Variants in HIRA observed in about 807,000 individuals in gnomAD.
HIRA encodes protein HIRA.
A neutral mutation model predicts 126.6 loss-of-function variants in HIRA; 13 were observed. That is an observed-to-expected ratio of 0.10 (90% CI 0.07 to 0.16). The LOEUF is 0.16. Ranked by LOEUF, HIRA falls within the 10% of genes least tolerant of loss-of-function variation. The pLI is 1.00. For synonymous variants in HIRA, 511 were observed against 520.0 expected (o/e 0.98, Z 0.24); for missense variants, 834 against 1,314.4 (o/e 0.63, Z 5.65).
chr22:19,389,889 C>A (rs1040879744), intron 9 of HIRA, among the ~76,000 whole-genome samples: 1 of 150,016 alleles, frequency 6.7e-6, no homozygotes, highest in African/African-American at 2.5e-5. Flanking sequence ...ACAACGCACA[C>A]AGTAATATAT....
intron 24 of HIRA, among the ~76,000 whole-genome samples, chr22:19,333,110 G>A (rs1556004999): frequency 1.3e-5 from 2 of 152,210 alleles, no homozygotes; most frequent in Non-Finnish European, 1.5e-5. Context: ...GTTTCACCTT[G>A]TTGGCCAGGC....
intron 8 of HIRA, 98 bp from the exon 9 acceptor site, chr22:19,392,312 A>C: frequency 1.5e-6 from 1 of 660,848 alleles, no homozygotes; most frequent in East Asian, 2.8e-5. Flanking sequence ...TCCCACAGAC[A>C]TTCTCTGAGC....
chr22:19,361,296 C>T lies in HIRA; in HGVS notation c.2026G>A (p.Ala676Thr). ...GGCAGCTTCAGTGCAAGTGCTGGTG[C>T]AGACAGACACATGGCCTCCTTCTCT... Reference protein sequence around the residue: ...TAEKEAMCLSAPALALKLPIP... With the variant: ...TAEKEAMCLSTPALALKLPIP... Residue 676 changes from alanine to threonine, a missense_variant, in exon 17 of 25, where the codon GCA (alanine) becomes ACA (threonine). Physicochemically the swap from Ala to Thr is moderately conservative, Grantham distance 58. This residue lies in a region of HIRA where 468 missense variants were observed against 574.2 expected (regional missense o/e 0.82). Coordinates refer to ENST00000263208, the MANE Select transcript of HIRA (RefSeq NM_003325.4). 2 of 1,614,198 alleles carry T rather than the reference C, an allele frequency of 1.2e-6. No individual in the cohort carries two copies. Among genetic ancestry groups the T allele is most frequent in the East Asian group, 2.2e-5 (1 of 44,882 alleles).
chr22:19,394,438 G>A lies in HIRA; in HGVS notation c.726C>T (p.Ala242=), dbSNP rs2089206794. ...PDGHYLVSAH[A]MNNSGPTAQI... ...GGGCAGTGGGGCCTGAGTTGTTCATGGCATGGGCAGACACCAGGTAATGCC... is the reference window on the plus strand; with the variant it reads ...GGGCAGTGGGGCCTGAGTTGTTCATAGCATGGGCAGACACCAGGTAATGCC... The change falls in exon 8 of 25, where the codon GCC becomes GCT. Residue 242 remains alanine (A), a synonymous_variant. Coordinates refer to ENST00000263208, the MANE Select transcript of HIRA (RefSeq NM_003325.4). The A allele has an allele frequency of 6.2e-7, 1 of 1,614,030 alleles. No individual in the cohort carries two copies. Among genetic ancestry groups the A allele is most frequent in the African/African-American group, 1.3e-5 (1 of 74,902 alleles).
rs1183668126 is a variant in HIRA, at chr22:19,384,354, A to T, written c.1330-649T>A. ...AAAAAAAAAAAAAAAGAGAGATATC[A>T]TGCGGTATTTGTCCTTCTGTGTCTG... On this transcript the variant is annotated intron_variant, in intron 12 of 24. Coordinates refer to ENST00000263208, the MANE Select transcript of HIRA (RefSeq NM_003325.4). Among the ~76,000 whole-genome samples, 3 of 150,644 alleles carry T rather than the reference A, an allele frequency of 2.0e-5. 1 individual carries two copies. Among genetic ancestry groups the T allele is most frequent in the Non-Finnish European group, 3.0e-5 (2 of 67,760 alleles).
Position 19,385,713 on chromosome 22 carries a change from A to G in HIRA, c.1137T>C (p.Tyr379=), listed in dbSNP as rs1042077947. ...CGGTCATGATGGCTAGGCTCTTGCCATAGGTGGACTGGTGAATGCGGCTCT... is the reference window on the plus strand; with the variant it reads ...CGGTCATGATGGCTAGGCTCTTGCCGTAGGTGGACTGGTGAATGCGGCTCT... ...EEKSRIHQST[Y]GKSLAIMTEA... Residue 379 remains tyrosine, a synonymous_variant, in exon 12 of 25, where the codon TAT becomes TAC. Transcript: ENST00000263208. 4 of 1,613,730 alleles carry G rather than the reference A, an allele frequency of 2.5e-6. No homozygotes were observed. Among genetic ancestry groups the G allele is most frequent in the South Asian group, 1.1e-5 (1 of 91,032 alleles).
chr22:19,362,617 A>G (rs1035555142), intron 15 of HIRA, among the ~76,000 whole-genome samples: 14 of 151,940 alleles, frequency 9.2e-5, no homozygotes, highest in African/African-American at 3.4e-4. Context: ...CTGGAATGCA[A>G]TGGTGTGATC....
chr22:19,336,557 T>C (rs1047852393), intron 24 of HIRA, among the ~76,000 whole-genome samples: 1 of 152,238 alleles, frequency 6.6e-6, no homozygotes, highest in Non-Finnish European at 1.5e-5. Context: ...ACATGATGAC[T>C]TCACTGGTAG....
intron 8 of HIRA, 115 bp downstream of exon 8, chr22:19,394,227 C>A (rs1009524344): frequency 1.0e-5 from 13 of 1,263,292 alleles, no homozygotes; most frequent in Admixed American, 4.6e-5. Flanking sequence ...CAAGTACATA[C>A]TCTATTTTGT....
chr22:19,409,186 C>A (rs1269213315), intron 2 of HIRA, among the ~76,000 whole-genome samples: 2 of 152,080 alleles, frequency 1.3e-5, no homozygotes, highest in Non-Finnish European at 2.9e-5. Flanking sequence ...TACCTACAGA[C>A]GAGAGACCAC....
At chr22:19,377,174 A>G (rs1487200407) in intron 14 of HIRA, among the ~76,000 whole-genome samples, 1 of 152,154 alleles carries the variant, frequency 6.6e-6, no homozygotes, top group Non-Finnish European at 1.5e-5. Flanking sequence ...TTGGATGGCT[A>G]GCCATTTCTA....
intron 24 of HIRA, among the ~76,000 whole-genome samples, chr22:19,350,379 T>G (rs2146186493): frequency 6.6e-6 from 1 of 152,304 alleles, no homozygotes; most frequent in African/African-American, 2.4e-5. Context: ...GAGCTAACTC[T>G]TAGATCCATA....
Position 19,354,058 on chromosome 22 carries a change from C to T in HIRA, c.2622G>A (p.Leu874=). The change falls in exon 22 of 25, where the codon CTG becomes CTA. Residue 874 remains leucine (L), a synonymous_variant. Coordinates refer to ENST00000263208, the MANE Select transcript of HIRA (RefSeq NM_003325.4). The part of the protein sequence containing the change: ...LAQCADFRSS[L]PSQDAMLCSG... ...AGCACAGCATGGCGTCCTGGGATGGCAGGCTGCTCCTAAAGTCTGCACACT... is the reference window on the plus strand; with the variant it reads ...AGCACAGCATGGCGTCCTGGGATGGTAGGCTGCTCCTAAAGTCTGCACACT... 1 of 1,613,248 alleles carries T rather than the reference C, an allele frequency of 6.2e-7. No individual in the cohort carries two copies. Among genetic ancestry groups the T allele is most frequent in the Non-Finnish European group, 8.5e-7 (1 of 1,179,680 alleles).
intron 2 of HIRA, among the ~76,000 whole-genome samples, chr22:19,408,991 T>C (rs1203167083): frequency 6.6e-6 from 1 of 152,146 alleles, no homozygotes; most frequent in Non-Finnish European, 1.5e-5. Context: ...GTCAATGTCA[T>C]AAGACCTTTT....
intron 1 of HIRA, among the ~76,000 whole-genome samples, chr22:19,416,034 G>C (rs9618562): frequency 0.083 from 12,663 of 152,208 alleles, 1,765 homozygotes; most frequent in African/African-American, 0.29. Flanking sequence ...TACAGGCATA[G>C]ACAGACACCT....
chr22:19,373,083 G>T (rs968084806), intron 15 of HIRA, among the ~76,000 whole-genome samples: 3 of 152,172 alleles, frequency 2.0e-5, no homozygotes, highest in African/African-American at 7.2e-5. Context: ...TCATATCTAA[G>T]AAACAGTTGC....
At chr22:19,384,089 G>A (rs968562971) in intron 12 of HIRA, among the ~76,000 whole-genome samples, 2 of 152,028 alleles carry the variant, frequency 1.3e-5, no homozygotes, top group Non-Finnish European at 2.9e-5. Context: ...GGAGGCCGAG[G>A]TGGACAGATC....
At chr22:19,376,383 C>T (rs1420227450) in intron 14 of HIRA, among the ~76,000 whole-genome samples, 2 of 152,180 alleles carry the variant, frequency 1.3e-5, no homozygotes, top group African/African-American at 4.8e-5. Flanking sequence ...CTGGTCCATC[C>T]TTCATGTCCA....
chr22:19,391,617 A>C (rs1301496434), intron 9 of HIRA, among the ~76,000 whole-genome samples: 1 of 151,266 alleles, frequency 6.6e-6, no homozygotes, highest in Non-Finnish European at 1.5e-5. Context: ...AGTAGCTGGG[A>C]CTACAGGCGC....
Sources: allele counts gnomAD v4.1 joint callset (sites outside exome capture counted in the v4.1 genomes callset), GRCh38; gene constraint gnomAD v4.1.1; regional missense constraint gnomAD v4.1.1; transcripts MANE v1.5; gene names NCBI Gene and HGNC (gene_info 2026-07-23, HGNC 2026-07-21).